Variants in ITFG1 observed in about 807,000 individuals in gnomAD.
ITFG1 encodes integrin alpha FG-GAP repeat containing 1, also known as T-cell immunomodulatory protein.
Under a neutral mutation model 81.8 loss-of-function variants are expected in ITFG1, and 34 were observed. That is an observed-to-expected ratio of 0.42 (90% CI 0.32 to 0.55). The LOEUF is 0.55. Ranked by LOEUF, ITFG1 falls within the 20% of genes least tolerant of loss-of-function variation. The probability of loss-of-function intolerance (pLI) is 0.17; values close to 1 mark genes in which losing one functional copy is unlikely to be tolerated. For missense variants in ITFG1, 672 were observed against 755.4 expected (o/e 0.89, Z 1.29); for synonymous variants, 285 against 270.6 (o/e 1.05, Z -0.52).
At position 47,258,624 on chromosome 16, in the gene ITFG1, T is replaced by C. The variant is rs768578820; in HGVS notation, c.1330+8A>G. On this transcript the variant is annotated splice_region_variant and intron_variant, in intron 12 of 17. Coordinates refer to ENST00000320640, the MANE Select transcript of ITFG1 (RefSeq NM_030790.5). ...GAGAACAAAATTAAATGTTAGTACT[T>C]TACTCACCAATAACTTTAACAAAAT... 6.7e-6 allele frequency: 8 copies of C among 1,185,506 alleles called. No homozygotes were observed. The highest frequency in any genetic ancestry group is 8.7e-6 in the Non-Finnish European group (7 of 804,598). 73.4% of individuals were successfully genotyped at this position (1,185,506 alleles called of 1,614,324 possible).
chr16:47,349,993 A>G (rs575353092), intron 8 of ITFG1, among the ~76,000 whole-genome samples: 203 of 152,366 alleles, frequency 1.3e-3, no homozygotes, highest in Non-Finnish European at 2.5e-3. Context: ...GAAGGCAGAA[A>G]TAAAGATGTT....
chr16:47,197,877 A>G (rs1234600168), intron 14 of ITFG1, among the ~76,000 whole-genome samples: 2 of 152,170 alleles, frequency 1.3e-5, no homozygotes, highest in African/African-American at 4.8e-5. Flanking sequence ...TTTCTTCATC[A>G]TGAGAACTAC....
intron 6 of ITFG1, among the ~76,000 whole-genome samples, chr16:47,410,979 C>A (rs1400572400): frequency 6.6e-6 from 1 of 152,192 alleles, no homozygotes; most frequent in Non-Finnish European, 1.5e-5. Context: ...AAGGCCCCTG[C>A]CTGGCAGCTC....
intron 7 of ITFG1, among the ~76,000 whole-genome samples, chr16:47,366,262 T>C (rs1968175635): frequency 6.6e-6 from 1 of 152,232 alleles, no homozygotes; most frequent in South Asian, 2.1e-4. Flanking sequence ...TTTCTGACGG[T>C]AACACATAAT....
At chr16:47,391,802 T>A (rs765756168) in intron 6 of ITFG1, among the ~76,000 whole-genome samples, 2 of 152,204 alleles carry the variant, frequency 1.3e-5, no homozygotes, top group African/African-American at 2.4e-5. Flanking sequence ...CATATGGGAA[T>A]CAGAATTCAG....
chr16:47,319,185 T>C (rs1434677697), intron 8 of ITFG1, among the ~76,000 whole-genome samples: 2 of 152,236 alleles, frequency 1.3e-5, no homozygotes, highest in African/African-American at 4.8e-5. Context: ...TTATATCATA[T>C]CAAAAATTCA....
intron 6 of ITFG1, among the ~76,000 whole-genome samples, chr16:47,401,318 G>T (rs533635779): frequency 4.3e-4 from 65 of 152,334 alleles, no homozygotes; most frequent in African/African-American, 1.5e-3. Flanking sequence ...GGGATATGGG[G>T]TGAAATCCGT....
intron 14 of ITFG1, among the ~76,000 whole-genome samples, chr16:47,167,524 C>T (rs1302146845): frequency 6.6e-6 from 1 of 152,082 alleles, no homozygotes; most frequent in East Asian, 1.9e-4. Flanking sequence ...GCTCAAAAAC[C>T]TCCCCCACTG....
At chr16:47,436,517 A>G (rs1969168658) in intron 5 of ITFG1, among the ~76,000 whole-genome samples, 2 of 152,170 alleles carry the variant, frequency 1.3e-5, no homozygotes, top group Non-Finnish European at 2.9e-5. Context: ...ATATTAGTTT[A>G]TTTATCCTTA....
chr16:47,438,519 C>T (rs944688614), intron 5 of ITFG1, among the ~76,000 whole-genome samples: 3 of 152,296 alleles, frequency 2.0e-5, no homozygotes, highest in East Asian at 3.9e-4. Flanking sequence ...GCAGCATTTG[C>T]GGCTCACCAA....
chr16:47,263,533 T>C (rs1253094770), intron 10 of ITFG1: 3 of 283,920 alleles, frequency 1.1e-5, no homozygotes, highest in Admixed American at 8.8e-5. Flanking sequence ...TTGCATTTCT[T>C]GGGTGACTGT....
chr16:47,323,445 C>T (rs1967479631), intron 8 of ITFG1, among the ~76,000 whole-genome samples: 1 of 152,122 alleles, frequency 6.6e-6, no homozygotes, highest in Non-Finnish European at 1.5e-5. Flanking sequence ...GCAGAGTCCC[C>T]ACCAGGAGGA....
chr16:47,223,907 C>T (rs1255504205), intron 13 of ITFG1, among the ~76,000 whole-genome samples: 1 of 152,028 alleles, frequency 6.6e-6, no homozygotes, highest in Non-Finnish European at 1.5e-5. Flanking sequence ...GAGTTCATGT[C>T]CTTTGTAGGG....
At chr16:47,274,940 T>G (rs568245436) in intron 10 of ITFG1, among the ~76,000 whole-genome samples, 1 of 152,244 alleles carries the variant, frequency 6.6e-6, no homozygotes, top group East Asian at 1.9e-4. Flanking sequence ...TATTTCAAAC[T>G]CTGTAGTATG....
intron 7 of ITFG1, among the ~76,000 whole-genome samples, chr16:47,368,749 T>C (rs1290508963): frequency 6.6e-6 from 1 of 152,066 alleles, no homozygotes; most frequent in Non-Finnish European, 1.5e-5. Flanking sequence ...TGAATTTTGG[T>C]AAATATATCT....
At chr16:47,329,366 C>A (rs1967607050) in intron 8 of ITFG1, among the ~76,000 whole-genome samples, 1 of 152,126 alleles carries the variant, frequency 6.6e-6, no homozygotes, top group Admixed American at 6.6e-5. Flanking sequence ...AGGCTAGATT[C>A]CATGTATGAC....
chr16:47,447,128 A>C (rs998759238), intron 5 of ITFG1, among the ~76,000 whole-genome samples: 4 of 152,124 alleles, frequency 2.6e-5, no homozygotes, highest in Admixed American at 2.6e-4. Context: ...TCATCCTCCC[A>C]AAGTGTTGGG....
intron 6 of ITFG1, among the ~76,000 whole-genome samples, chr16:47,419,021 G>T (rs1968907967): frequency 6.6e-6 from 1 of 152,160 alleles, no homozygotes; most frequent in South Asian, 2.1e-4. Context: ...TATGGTCCAT[G>T]AGCATGAGAT....
chr16:47,404,143 G>A (rs772561465), intron 6 of ITFG1, among the ~76,000 whole-genome samples: 11 of 152,116 alleles, frequency 7.2e-5, no homozygotes, highest in Non-Finnish European at 1.2e-4. Flanking sequence ...CAAAAGGGTT[G>A]GGGGCTAGTG....
Sources: allele counts gnomAD v4.1 joint callset (sites outside exome capture counted in the v4.1 genomes callset), GRCh38; gene constraint gnomAD v4.1.1; transcripts MANE v1.5; gene names NCBI Gene and HGNC (gene_info 2026-07-23, HGNC 2026-07-21).